Variants in ATRNL1 observed in about 807,000 individuals in gnomAD.
The protein encoded by ATRNL1 is attractin like 1.
ATRNL1 carries 95 observed loss-of-function variants against 182.7 expected under a neutral mutation model. The observed-to-expected ratio is 0.52, with a 90% CI of 0.44 to 0.62. The LOEUF (loss-of-function observed/expected upper bound fraction) is 0.62. ATRNL1 is among the 20% of genes least tolerant of loss of function. The pLI is 0.00. For synonymous variants in ATRNL1, 576 were observed against 568.3 expected (o/e 1.01, Z -0.19); for missense variants, 1,471 against 1,679.5 (o/e 0.88, Z 2.17).
chr10:115,689,779 T>G (rs901047531), intron 26 of ATRNL1, among the ~76,000 whole-genome samples: 1 of 152,144 alleles, frequency 6.6e-6, no homozygotes, highest in Admixed American at 6.5e-5. Flanking sequence ...GCTGTCCTGC[T>G]CTCTGCAGCA....
intron 24 of ATRNL1, among the ~76,000 whole-genome samples, chr10:115,479,980 A>C (rs1848692639): frequency 6.6e-6 from 1 of 151,302 alleles, no homozygotes; most frequent in Admixed American, 6.6e-5. Flanking sequence ...CTATTATATC[A>C]ATCTGCAAAG....
chr10:115,193,346 C>T (rs1848237760), intron 8 of ATRNL1, among the ~76,000 whole-genome samples: 1 of 151,826 alleles, frequency 6.6e-6, no homozygotes, highest in South Asian at 2.1e-4. Context: ...CTGTTGACAC[C>T]ATCAGGTACT....
intron 26 of ATRNL1, among the ~76,000 whole-genome samples, chr10:115,609,545 T>C (rs761702225): frequency 3.3e-5 from 5 of 152,210 alleles, no homozygotes; most frequent in Non-Finnish European, 7.3e-5. Flanking sequence ...ATGGTGTCAG[T>C]CCTTTAAGAA....
intron 18 of ATRNL1, among the ~76,000 whole-genome samples, chr10:115,318,791 T>G (rs1304739104): frequency 2.6e-5 from 4 of 152,082 alleles, no homozygotes; most frequent in African/African-American, 9.7e-5. Context: ...ATTTTCTTCT[T>G]TATTAGTCTA....
intron 26 of ATRNL1, among the ~76,000 whole-genome samples, chr10:115,602,303 G>A (rs1439194007): frequency 6.6e-6 from 1 of 152,112 alleles, no homozygotes; most frequent in Non-Finnish European, 1.5e-5. Context: ...GCAGTGAGCC[G>A]AGATCATGCC....
rs544279849 is a variant in ATRNL1 at position 115,225,750 on chromosome 10, A to G, written c.1532+9870A>G. Among the ~76,000 whole-genome samples the G allele has an allele frequency of 4.6e-5, 7 of 151,540 alleles. No homozygotes were observed. In the South Asian group the frequency reaches 1.2e-3, roughly 27 times the overall value. On this transcript the variant is annotated intron_variant, in intron 9 of 28. Coordinates refer to ENST00000355044, the MANE Select transcript of ATRNL1 (RefSeq NM_207303.4). ...TAAATATATCTCAGACCAAATTATG[A>G]CAATTGTTTGAAAAACTCAATATTA...
intron 26 of ATRNL1, among the ~76,000 whole-genome samples, chr10:115,605,539 T>G (rs1359971224): frequency 6.6e-6 from 1 of 152,074 alleles, no homozygotes; most frequent in Non-Finnish European, 1.5e-5. Context: ...TTTTTTGACT[T>G]TATGGTGGGT....
intron 24 of ATRNL1, among the ~76,000 whole-genome samples, chr10:115,495,624 AG>A (rs767457940): frequency 4.5e-4 from 68 of 151,748 alleles, no homozygotes; most frequent in Non-Finnish European, 9.1e-4. Context: ...GTGATTTTAT[AG>A]TTTCGAGTGA....
chr10:115,587,044 G>T (rs1477628653), intron 26 of ATRNL1, among the ~76,000 whole-genome samples: 2 of 149,826 alleles, frequency 1.3e-5, no homozygotes, highest in Admixed American at 6.7e-5. Context: ...CTACTGGGGG[G>T]TGCCTCCCAG....
chr10:115,426,621 AATAG>A (rs1160326503), intron 21 of ATRNL1, among the ~76,000 whole-genome samples: 3 of 152,170 alleles, frequency 2.0e-5, no homozygotes, highest in Non-Finnish European at 4.4e-5. Flanking sequence ...TGAATTTTAT[AATAG>A]ATATTTTGCA....
chr10:115,645,075 A>T (rs1411962433), intron 26 of ATRNL1, among the ~76,000 whole-genome samples: 1 of 152,080 alleles, frequency 6.6e-6, no homozygotes, highest in African/African-American at 2.4e-5. Context: ...TTGCTTCATT[A>T]CTCAACACTA....
intron 28 of ATRNL1, among the ~76,000 whole-genome samples, chr10:115,925,158 G>A (rs928777360): frequency 1.4e-4 from 21 of 152,192 alleles, no homozygotes; most frequent in South Asian, 2.1e-4. Context: ...CTGAGATGAT[G>A]GGGCTTTCTA....
At chr10:115,567,761 A>G (rs1854153557) in intron 26 of ATRNL1, among the ~76,000 whole-genome samples, 1 of 152,152 alleles carries the variant, frequency 6.6e-6, no homozygotes, top group African/African-American at 2.4e-5. Flanking sequence ...TTAGTGAACA[A>G]CTAGGAGGTA....
chr10:115,102,594 C>T (rs1843821097), intron 1 of ATRNL1, among the ~76,000 whole-genome samples: 1 of 152,098 alleles, frequency 6.6e-6, no homozygotes, highest in Non-Finnish European at 1.5e-5. Context: ...CAAGCATGTG[C>T]CACCTCACCT....
At chr10:115,387,919 T>C (rs1284529832) in intron 19 of ATRNL1, among the ~76,000 whole-genome samples, 1 of 152,200 alleles carries the variant, frequency 6.6e-6, no homozygotes, top group African/African-American at 2.4e-5. Context: ...ATATATAGTA[T>C]CGTCATCATC....
At chr10:115,429,763 G>C (rs1846061953) in intron 21 of ATRNL1, among the ~76,000 whole-genome samples, 1 of 151,998 alleles carries the variant, frequency 6.6e-6, no homozygotes, top group East Asian at 1.9e-4. Flanking sequence ...ACCTATGACT[G>C]CAGTTTTTAA....
intron 26 of ATRNL1, among the ~76,000 whole-genome samples, chr10:115,658,406 T>C (rs1555036681): frequency 2.0e-5 from 3 of 152,076 alleles, no homozygotes; most frequent in Admixed American, 6.6e-5. Flanking sequence ...TAGATGGATA[T>C]ATGTATATAA....
chr10:115,248,085 G>C (rs1194066026), intron 10 of ATRNL1, among the ~76,000 whole-genome samples: 2 of 152,138 alleles, frequency 1.3e-5, no homozygotes, highest in Non-Finnish European at 2.9e-5. Flanking sequence ...CAGCTAGATA[G>C]GAGGAATACA....
intron 18 of ATRNL1, among the ~76,000 whole-genome samples, chr10:115,316,393 A>G (rs1248087401): frequency 6.6e-6 from 1 of 151,896 alleles, no homozygotes; most frequent in Non-Finnish European, 1.5e-5. Flanking sequence ...TGACTTTGCT[A>G]TTGCAAGTAG....
Sources: gnomAD v4.1 joint callset for allele counts (sites outside exome capture counted in the v4.1 genomes callset) on GRCh38, gnomAD v4.1.1 for gene constraint, MANE v1.5 for transcripts, NCBI Gene and HGNC (gene_info 2026-07-23, HGNC 2026-07-21) for gene names.